Variants in HTR4 observed in about 807,000 individuals in gnomAD.
HTR4 encodes 5-hydroxytryptamine receptor 4, also known as 5-hydroxytryptamine (serotonin) receptor 4, G protein-coupled.
HTR4 carries 16 observed loss-of-function variants against 36.8 expected under a neutral mutation model. The observed-to-expected ratio is 0.43, with a 90% CI of 0.29 to 0.66. HTR4 has a LOEUF of 0.66. Ranked by LOEUF, HTR4 falls within the 30% of genes least tolerant of loss-of-function variation. HTR4 has a pLI of 0.13. For synonymous variants in HTR4, 189 were observed against 185.1 expected (o/e 1.02, Z -0.17); for missense variants, 438 against 490.9 (o/e 0.89, Z 1.02).
chr5:148,591,308 A>C lies in HTR4; in HGVS notation c.27-41046T>G, dbSNP rs111697440. The stretch of plus-strand genomic sequence containing the variant: ...TTTGCTAAGAATTTCCTTGGCTATT[A>C]GGGCTCTTTTTTGGTTCCATATGAA... On this transcript the variant is annotated intron_variant, in intron 2 of 6. Coordinates refer to ENST00000377888, the MANE Select transcript of HTR4 (RefSeq NM_000870.7). Among the ~76,000 whole-genome samples, 594 of 152,130 alleles carry C rather than the reference A, an allele frequency of 3.9e-3. 1 individual carries two copies. Among genetic ancestry groups the C allele is most frequent in the African/African-American group, 0.014 (572 of 41,510 alleles).
chr5:148,458,874 G>A (rs1411034646), intron 5 of HTR4, among the ~76,000 whole-genome samples: 1 of 152,198 alleles, frequency 6.6e-6, no homozygotes, highest in African/African-American at 2.4e-5. Flanking sequence ...GAACATTCTG[G>A]CTGTGGTGTG....
chr5:148,653,031 G>A (rs988945152), intron 1 of HTR4, among the ~76,000 whole-genome samples: 1 of 152,054 alleles, frequency 6.6e-6, no homozygotes, highest in African/African-American at 2.4e-5. Flanking sequence ...GTGCTCACCA[G>A]GAGCACGCAG....
intron 2 of HTR4, among the ~76,000 whole-genome samples, chr5:148,615,553 A>T (rs939074977): frequency 8.9e-6 from 1 of 112,550 alleles, no homozygotes; most frequent in Non-Finnish European, 1.8e-5. Context: ...GGGGGGAGGG[A>T]TAGCATTGGG....
At chr5:148,626,804 AATTGACC>A (rs2127297405) in intron 2 of HTR4, among the ~76,000 whole-genome samples, 1 of 152,306 alleles carries the variant, frequency 6.6e-6, no homozygotes, top group Non-Finnish European at 1.5e-5. Flanking sequence ...TTTTATATTT[AATTGACC>A]ATAGAGCAGA....
chr5:148,506,165 C>G (rs1757196756), intron 6 of HTR4, among the ~76,000 whole-genome samples: 3 of 152,072 alleles, frequency 2.0e-5, no homozygotes, highest in Admixed American at 2.0e-4. Flanking sequence ...GGTACTGGGA[C>G]TAAAACAGAG....
chr5:148,597,726 T>C (rs1561641520), intron 2 of HTR4, among the ~76,000 whole-genome samples: 1 of 152,220 alleles, frequency 6.6e-6, no homozygotes, highest in Non-Finnish European at 1.5e-5. Context: ...AGCCAACATG[T>C]GGTTTTTTGG....
chr5:148,627,719 T>C (rs761070544), intron 2 of HTR4, among the ~76,000 whole-genome samples: 9 of 152,250 alleles, frequency 5.9e-5, no homozygotes, highest in Non-Finnish European at 1.0e-4. Flanking sequence ...CATTATTACC[T>C]GACTGATAAA....
chr5:148,604,049 T>C (rs1367761480), intron 2 of HTR4, among the ~76,000 whole-genome samples: 3 of 152,106 alleles, frequency 2.0e-5, no homozygotes, highest in East Asian at 3.8e-4. Context: ...TAAATCTAAA[T>C]GTGAAAGATA....
At chr5:148,472,702 G>A (rs1319166920), downstream of HTR4, among the ~76,000 whole-genome samples, 1 of 152,114 alleles carries the variant, frequency 6.6e-6, no homozygotes, top group South Asian at 2.1e-4. Flanking sequence ...GTTTTAACTG[G>A]CAGGCGATGG....
chr5:148,461,265 T>A (rs6860087), intron 5 of HTR4, among the ~76,000 whole-genome samples: 63,962 of 151,328 alleles, frequency 0.42, 13,930 homozygotes, highest in East Asian at 0.69. Flanking sequence ...TAATTTAGCT[T>A]TTTTAAGAAT....
intron 2 of HTR4, among the ~76,000 whole-genome samples, chr5:148,619,922 T>C (rs1044924234): frequency 4.6e-5 from 7 of 152,142 alleles, no homozygotes; most frequent in African/African-American, 1.7e-4. Flanking sequence ...TAAAAAAGGA[T>C]ACCAAAATAA....
chr5:148,508,680 C>T (rs1036848844), intron 6 of HTR4, among the ~76,000 whole-genome samples: 1 of 152,094 alleles, frequency 6.6e-6, no homozygotes, highest in Non-Finnish European at 1.5e-5. Flanking sequence ...TCTAGATTGC[C>T]CATACATCCA....
intron 2 of HTR4, among the ~76,000 whole-genome samples, chr5:148,612,201 C>T (rs1175528035): frequency 6.6e-6 from 1 of 152,286 alleles, no homozygotes; most frequent in East Asian, 1.9e-4. Context: ...ACAGAACTCT[C>T]CACCACAAAT....
intron 2 of HTR4, among the ~76,000 whole-genome samples, chr5:148,602,740 C>G (rs1762042886): frequency 6.6e-6 from 1 of 152,032 alleles, no homozygotes; most frequent in Admixed American, 6.6e-5. Context: ...TGACCCTAGA[C>G]AGGCTTATTA....
chr5:148,507,678 A>G (rs1757292385), intron 6 of HTR4, among the ~76,000 whole-genome samples: 1 of 152,120 alleles, frequency 6.6e-6, no homozygotes, highest in African/African-American at 2.4e-5. Flanking sequence ...AGATTACCAG[A>G]CGCAGCAGGA....
chr5:148,517,229 C>T lies in HTR4; in HGVS notation c.507+5964G>A, dbSNP rs1757799196. Among the ~76,000 whole-genome samples the T allele has an allele frequency of 3.3e-5, 5 of 152,104 alleles. No individual in the cohort carries two copies. In the South Asian group the frequency reaches 1.0e-3, roughly 32 times the overall value. ...CAATTTTCTCTTTCTTTGTTTTCTTCCTCACTGGCTGTTCCTTCCAACTGT... is the reference window on the plus strand; with the variant it reads ...CAATTTTCTCTTTCTTTGTTTTCTTTCTCACTGGCTGTTCCTTCCAACTGT... On this transcript the variant is annotated intron_variant, in intron 5 of 6. Coordinates refer to ENST00000377888, the MANE Select transcript of HTR4 (RefSeq NM_000870.7).
downstream of HTR4, chr5:148,481,439 C>A (rs763676418): frequency 1.2e-6 from 1 of 857,418 alleles, no homozygotes; most frequent in Non-Finnish European, 1.8e-6. Context: ...ATATTTCTCA[C>A]GAATTCTGAA....
chr5:148,621,689 T>C lies in HTR4; in HGVS notation c.26+15300A>G, dbSNP rs184430249. 2.3e-3 allele frequency among the ~76,000 whole-genome samples: 357 copies of C among 152,312 alleles called. 2 individuals carry two copies. The highest frequency in any genetic ancestry group is 8.3e-3 in the African/African-American group (343 of 41,568). ...AATCCTAACAGCACTCTTCAAATAT[T>C]TGAAGAGCGATTCCATGGATAATCT... On this transcript the variant is annotated intron_variant, in intron 2 of 6. Transcript: ENST00000377888.
intron 2 of HTR4, among the ~76,000 whole-genome samples, chr5:148,613,119 C>T (rs1403634117): frequency 2.7e-5 from 4 of 148,958 alleles, no homozygotes; most frequent in African/African-American, 1.0e-4. Context: ...GAACTGGTAC[C>T]ATTCCTTCTG....
Sources: allele counts gnomAD v4.1 joint callset (sites outside exome capture counted in the v4.1 genomes callset), GRCh38; gene constraint gnomAD v4.1.1; transcripts MANE v1.5; gene names NCBI Gene and HGNC (gene_info 2026-07-23, HGNC 2026-07-21).